Variants in ZNF518A observed in about 807,000 individuals in gnomAD.
The protein encoded by ZNF518A is zinc finger protein 518.
In ZNF518A, 47 loss-of-function variants were observed where a neutral mutation model predicts 102.7. The ratio of observed to expected loss-of-function variants is 0.46; its 90% confidence interval spans 0.36 to 0.58. The LOEUF (loss-of-function observed/expected upper bound fraction) is 0.58. Ranked by LOEUF, ZNF518A falls within the 20% of genes least tolerant of loss-of-function variation. The pLI is 0.00. For missense variants in ZNF518A, 1,793 were observed against 1,699.8 expected, an observed-to-expected ratio of 1.05 and a Z score of -0.96; for synonymous variants, 652 against 594.6, an observed-to-expected ratio of 1.10 and a Z score of -1.40.
chr10:96,137,584 A>G (rs2081668441), intron 3 of ZNF518A, among the ~76,000 whole-genome samples: 1 of 152,108 alleles, frequency 6.6e-6, no homozygotes, highest in Non-Finnish European at 1.5e-5. Context: ...CATTTTCTTC[A>G]TTTTGCTTTG....
rs2082687566 is a variant in ZNF518A, at chr10:96,156,232, A to G, written c.-91A>G. ...GTGGGAAAAATCCTGTATATTGAAGATGTCTCTACACAGTATCGTTTCCTG... is the reference window on the plus strand; with the variant it reads ...GTGGGAAAAATCCTGTATATTGAAGGTGTCTCTACACAGTATCGTTTCCTG... On this transcript the variant is annotated 5_prime_UTR_variant, in exon 6 of 6. It removes an upstream start codon present in the reference 5' UTR. Transcript: ENST00000316045. 4.9e-6 allele frequency: 6 copies of G among 1,220,166 alleles called. No individual in the cohort carries two copies. The East Asian group carries it at 1.3e-4, about 26-fold the overall frequency. The allele number at this position is 1,220,166 out of a possible 1,614,324, so 75.6% of individuals were successfully genotyped here.
At chr10:96,182,099 A>G (rs1554892083) in intron 1 of ZNF518A, among the ~76,000 whole-genome samples, 1 of 152,166 alleles carries the variant, frequency 6.6e-6, no homozygotes, top group African/African-American at 2.4e-5. Context: ...CTTTGAAGCA[A>G]TTGTGAATGG....
In ZNF518A at chr10:96,158,687, G is replaced by A. The variant is rs1444526013; in HGVS notation, c.2365G>A (p.Asp789Asn). ...ACCTGAAGTAAACCAATTGCTTCAG[G>A]ATGTATTGAAAATAAAACCTGATGT... ...LPPEVNQLLQ[D>N]VLKIKPDVKQ... Residue 789 changes from aspartate to asparagine, a missense_variant, in exon 6 of 6, where the codon GAT (aspartate) becomes AAT (asparagine). Transcript: ENST00000316045. 10 of 1,613,254 alleles carry A rather than the reference G, an allele frequency of 6.2e-6. No individual in the cohort carries two copies. The highest frequency in any genetic ancestry group is 8.5e-6 in the Non-Finnish European group (10 of 1,179,582).
Position 96,200,579 on chromosome 10 carries a change from T to A in ZNF518A, n.36-2995T>A, listed in dbSNP as rs74151285. On this transcript the variant is annotated intron_variant and non_coding_transcript_variant, in intron 1 of 2. Transcript: ENST00000442635. The surrounding 1 kb of genome is among the most constrained non-coding windows in gnomAD (Gnocchi z 4.3). ...TATCCGTATTTTACATTTTTACATA[T>A]ATTTGTATGGAAACTTAGAAAGACT... Among the ~76,000 whole-genome samples, 13,870 of 152,302 alleles carry A rather than the reference T, an allele frequency of 0.091. 721 individuals carry two copies. Among genetic ancestry groups the A allele is most frequent in the South Asian group, 0.17 (809 of 4,826 alleles).
chr10:96,191,070 G>A (rs2083320837), intron 1 of ZNF518A, among the ~76,000 whole-genome samples: 1 of 152,084 alleles, frequency 6.6e-6, no homozygotes, highest in African/African-American at 2.4e-5. Flanking sequence ...ATGTTGTTGT[G>A]ATAGTGAGTA....
chr10:96,154,678 G>A (rs924644695), intron 3 of ZNF518A, among the ~76,000 whole-genome samples: 4 of 151,994 alleles, frequency 2.6e-5, no homozygotes, highest in Non-Finnish European at 5.9e-5. Context: ...GACAGTTCCA[G>A]TTACTTTTTC....
At position 96,156,482 on chromosome 10, in the gene ZNF518A, A is replaced by G. The variant is rs781894684; in HGVS notation, c.160A>G (p.Lys54Glu). The change falls in exon 6 of 6, where the codon AAA becomes GAA. Residue 54 changes from lysine to glutamate, a missense_variant. This residue lies in a region of ZNF518A where 1,741 missense variants were observed against 1,622.6 expected (regional missense o/e 1.07). Coordinates refer to ENST00000316045, the MANE Select transcript of ZNF518A (RefSeq NM_001330736.2). Reference sequence around the variant, plus strand: ...AAAAAATGTGAAAATTGATTTGCCAAAAATAAATATTCCAAATGAAGTCCT... The same window carrying G: ...AAAAAATGTGAAAATTGATTTGCCAGAAATAAATATTCCAAATGAAGTCCT... ...ALKNVKIDLP[K>E]INIPNEVLLK... 4.3e-6 allele frequency: 7 copies of G among 1,611,234 alleles called. No individual in the cohort carries two copies. In the East Asian group the frequency reaches 1.3e-4, roughly 31 times the overall value.
rs2082746837 is a variant in ZNF518A, at chr10:96,157,406, A to C, written c.1084A>C (p.Ser362Arg). ...AACACAGACTAAATCTGAAGACCAGAGCCATGTTGTTCAAGAGCATTTAAG... is the reference window on the plus strand; with the variant it reads ...AACACAGACTAAATCTGAAGACCAGCGCCATGTTGTTCAAGAGCATTTAAG... ...NKTQTKSEDQSHVVQEHLSEE... is the reference protein window; with the variant it reads ...NKTQTKSEDQRHVVQEHLSEE... Residue 362 changes from serine (S) to arginine (R), a missense_variant, in exon 6 of 6, where the codon AGC (serine) becomes CGC (arginine). Ser to Arg is a moderately radical substitution (Grantham distance 110). This residue lies in a region of ZNF518A where 1,741 missense variants were observed against 1,622.6 expected (regional missense o/e 1.07). Transcript: ENST00000316045. The C allele has an allele frequency of 1.2e-6, 2 of 1,612,898 alleles. No homozygotes were observed. Among genetic ancestry groups the C allele is most frequent in the African/African-American group, 2.7e-5 (2 of 74,874 alleles).
At position 96,158,727 on chromosome 10, in the gene ZNF518A, G is replaced by A; in HGVS notation, c.2405G>A (p.Ser802Asn). The A allele has an allele frequency of 6.2e-7, 1 of 1,613,368 alleles. No individual in the cohort carries two copies. The highest frequency in any genetic ancestry group is 8.5e-7 in the Non-Finnish European group (1 of 1,179,578). Residue 802 changes from serine to asparagine, a missense_variant, in exon 6 of 6, where the codon AGT becomes AAT. Ser to Asn is a conservative substitution (Grantham distance 46). Transcript: ENST00000316045. Reference protein sequence around the residue: ...KIKPDVKQDSSNTPNKGLPLH... With the variant: ...KIKPDVKQDSNNTPNKGLPLH... ...AAACCTGATGTAAAACAAGACTCTAGTAACACTCCAAATAAAGGCTTGCCA... is the reference window on the plus strand; with the variant it reads ...AAACCTGATGTAAAACAAGACTCTAATAACACTCCAAATAAAGGCTTGCCA...
intron 1 of ZNF518A, among the ~76,000 whole-genome samples, chr10:96,186,536 T>C (rs1367464812): frequency 6.6e-6 from 1 of 152,172 alleles, no homozygotes; most frequent in Non-Finnish European, 1.5e-5. Context: ...TAGCTGGGAC[T>C]ACAGGTATGT....
chr10:96,134,426 G>A (rs2081498280), intron 3 of ZNF518A, among the ~76,000 whole-genome samples: 1 of 152,134 alleles, frequency 6.6e-6, no homozygotes, highest in Admixed American at 6.5e-5. Context: ...TGGAGACGAG[G>A]CTTCGCCATG....
At chr10:96,181,881 T>C (rs2083242396) in intron 1 of ZNF518A, among the ~76,000 whole-genome samples, 1 of 152,334 alleles carries the variant, frequency 6.6e-6, no homozygotes, top group South Asian at 2.1e-4. Flanking sequence ...AAGAAAGTCA[T>C]TGGTAGCTTG....
At chr10:96,165,242 G>T (rs1287910087), downstream of ZNF518A, among the ~76,000 whole-genome samples, 1 of 152,034 alleles carries the variant, frequency 6.6e-6, no homozygotes, top group Non-Finnish European at 1.5e-5. Context: ...TCCTGTAGTG[G>T]GATTACAGGT....
chr10:96,186,127 C>T (rs1287633248), intron 1 of ZNF518A, among the ~76,000 whole-genome samples: 1 of 152,200 alleles, frequency 6.6e-6, no homozygotes. Context: ...TACAGTCTGT[C>T]ACAGCTTCCC....
intron 1 of ZNF518A, among the ~76,000 whole-genome samples, chr10:96,186,838 A>G (rs1319195479): frequency 1.3e-5 from 2 of 152,252 alleles, no homozygotes; most frequent in Non-Finnish European, 2.9e-5. Context: ...CCATAGCAAT[A>G]TCCTTCTCGT....
intron 1 of ZNF518A, among the ~76,000 whole-genome samples, chr10:96,168,786 A>T (rs2083157687): frequency 6.6e-6 from 1 of 151,922 alleles, no homozygotes; most frequent in South Asian, 2.1e-4. Context: ...TGCTTTCAAG[A>T]TTCTCTTTTT....
intron 1 of ZNF518A, among the ~76,000 whole-genome samples, chr10:96,176,338 G>A (rs1355237148): frequency 1.3e-5 from 2 of 152,044 alleles, no homozygotes; most frequent in African/African-American, 2.4e-5. Flanking sequence ...CAGAAAAGGA[G>A]GAGAAAAGGG....
At chr10:96,185,189 G>T (rs2083263830) in intron 1 of ZNF518A, among the ~76,000 whole-genome samples, 1 of 152,150 alleles carries the variant, frequency 6.6e-6, no homozygotes, top group Non-Finnish European at 1.5e-5. Context: ...GTTTATTCTA[G>T]TTAGCCATTC....
At chr10:96,174,464 T>C (rs1300313647) in intron 1 of ZNF518A, among the ~76,000 whole-genome samples, 2 of 152,056 alleles carry the variant, frequency 1.3e-5, no homozygotes, top group African/African-American at 4.8e-5. Flanking sequence ...AAAAACAGAA[T>C]GAAAGAGTGG....
Sources: allele counts gnomAD v4.1 joint callset (sites outside exome capture counted in the v4.1 genomes callset), GRCh38; gene constraint gnomAD v4.1.1; regional missense constraint gnomAD v4.1.1; non-coding constraint Gnocchi (gnomAD v3.1); transcripts MANE v1.5; gene names NCBI Gene and HGNC (gene_info 2026-07-23, HGNC 2026-07-21).